Variants in SEMA5A observed in about 807,000 individuals in gnomAD.
The protein encoded by SEMA5A is semaphorin 5A.
A neutral mutation model predicts 135.5 loss-of-function variants in SEMA5A; 55 were observed. The observed-to-expected ratio is 0.41, with a 90% CI of 0.33 to 0.51. The LOEUF is 0.51. Ranked by LOEUF, SEMA5A falls within the 20% of genes least tolerant of loss-of-function variation. The pLI, the probability that SEMA5A is intolerant of heterozygous loss-of-function variation, is 0.37. For synonymous variants in SEMA5A, 580 were observed against 546.5 expected (o/e 1.06, Z -0.85); for missense variants, 1,290 against 1,419.9 (o/e 0.91, Z 1.47).
chr5:9,110,504 G>A (rs1022923678), intron 15 of SEMA5A, among the ~76,000 whole-genome samples: 2 of 152,226 alleles, frequency 1.3e-5, no homozygotes, highest in African/African-American at 2.4e-5. Flanking sequence ...GAGAAGAAGT[G>A]GTGGAGATGG....
rs1326909657 is a variant in SEMA5A at position 9,119,666 on chromosome 5, G to A, written c.1782-525C>T. Among the ~76,000 whole-genome samples the A allele has an allele frequency of 2.0e-5, 3 of 152,132 alleles. No homozygotes were observed. The East Asian group carries it at 5.8e-4, about 29-fold the overall frequency. On this transcript the variant is annotated intron_variant, in intron 14 of 22. Coordinates refer to ENST00000382496, the MANE Select transcript of SEMA5A (RefSeq NM_003966.3). Reference sequence around the variant, plus strand: ...CCTGATAGCATCAAATTGATAAAGAGTGTTGTACTGTTAGAATAACTATCA... The same window carrying A: ...CCTGATAGCATCAAATTGATAAAGAATGTTGTACTGTTAGAATAACTATCA...
intron 1 of SEMA5A, among the ~76,000 whole-genome samples, chr5:9,474,034 C>A (rs556303506): frequency 1.3e-5 from 2 of 151,996 alleles, no homozygotes; most frequent in African/African-American, 2.4e-5. Context: ...ACATCATGGA[C>A]GTCTACCCAC....
intron 6 of SEMA5A, among the ~76,000 whole-genome samples, chr5:9,227,642 C>G (rs558278647): frequency 2.0e-5 from 3 of 150,820 alleles, no homozygotes; most frequent in African/African-American, 7.3e-5. Flanking sequence ...GCTCTGCCTC[C>G]CAGGTTCATG....
intron 1 of SEMA5A, among the ~76,000 whole-genome samples, chr5:9,454,344 T>C (rs951716302): frequency 2.0e-5 from 3 of 152,216 alleles, no homozygotes; most frequent in African/African-American, 4.8e-5. Flanking sequence ...GAAGAGCTGA[T>C]TGTGTCTCAT....
At chr5:9,438,594 C>T (rs1193187545) in intron 1 of SEMA5A, among the ~76,000 whole-genome samples, 4 of 152,318 alleles carry the variant, frequency 2.6e-5, no homozygotes, top group East Asian at 3.9e-4. Flanking sequence ...GAAATGTGTT[C>T]ATCACCAGTG....
Position 9,488,694 on chromosome 5 carries a change from G to A in SEMA5A, c.-174-50842C>T, listed in dbSNP as rs147654030. ...GCCCTTGTGTGTTCCCAGATGACAC[G>A]TATTTATTTACAACATTTACTTGTT... On this transcript the variant is annotated intron_variant, in intron 1 of 22. Coordinates refer to ENST00000382496, the MANE Select transcript of SEMA5A (RefSeq NM_003966.3). Among the ~76,000 whole-genome samples, 11 of 152,176 alleles carry A rather than the reference G, an allele frequency of 7.2e-5. No homozygotes were observed. The East Asian group carries it at 1.5e-3, about 21-fold the overall frequency.
At position 9,379,860 on chromosome 5, in the gene SEMA5A, C is replaced by T. The variant is rs768147824; in HGVS notation, c.87G>A (p.Gln29=). 3 of 1,614,078 alleles carry T rather than the reference C, an allele frequency of 1.9e-6. No homozygotes were observed. The Admixed American group carries it at 5.0e-5, about 27-fold the overall frequency. The change falls in exon 3 of 23, where the codon CAG becomes CAA. Residue 29 remains glutamine (Q), a synonymous_variant. Coordinates refer to ENST00000382496, the MANE Select transcript of SEMA5A (RefSeq NM_003966.3). ...TGACTGGATGCTCGGTTCTCTGGCACTGAGTCGTACCCTGGGCCTCTGGGT... is the reference window on the plus strand; with the variant it reads ...TGACTGGATGCTCGGTTCTCTGGCATTGAGTCGTACCCTGGGCCTCTGGGT... The part of the protein sequence containing the change: ...LAHPEAQGTT[Q]CQRTEHPVIS...
intron 11 of SEMA5A, among the ~76,000 whole-genome samples, chr5:9,183,134 G>A (rs1457474747): frequency 3.9e-5 from 6 of 152,130 alleles, no homozygotes; most frequent in Non-Finnish European, 7.3e-5. Context: ...GCTGTGTGGT[G>A]AGGGAAAGGA....
At chr5:9,182,157 C>A (rs933128899) in intron 11 of SEMA5A, among the ~76,000 whole-genome samples, 1 of 96,258 alleles carries the variant, frequency 1.0e-5, no homozygotes, top group African/African-American at 4.2e-5. Context: ...CTGCCCCCCA[C>A]CCCAAAAAAA....
intron 16 of SEMA5A, among the ~76,000 whole-genome samples, chr5:9,088,399 T>C (rs1055411432): frequency 6.6e-6 from 1 of 150,826 alleles, no homozygotes; most frequent in African/African-American, 2.4e-5. Flanking sequence ...GTAAGTGTTA[T>C]GTTGGGGTGA....
In SEMA5A at chr5:9,037,581, GTATT is replaced by G. The variant is rs1175280722; in HGVS notation, c.*5312_*5315del. On this transcript the variant is annotated 3_prime_UTR_variant, in exon 23 of 23. Coordinates refer to ENST00000382496, the MANE Select transcript of SEMA5A (RefSeq NM_003966.3). ...TTTAATATAAGTCCATAGGAAAGGA[GTATT>G]TAAAGAGTCGTTTTAGAAATCATCA... The G allele has an allele frequency of 6.6e-6, 1 of 152,156 alleles. No homozygotes were observed. Among genetic ancestry groups the G allele is most frequent in the Non-Finnish European group, 1.5e-5 (1 of 68,026 alleles). The allele number at this position is 152,156 out of a possible 1,614,324, so 9.4% of individuals were successfully genotyped here.
Position 9,162,283 on chromosome 5 carries a change from AG to A in SEMA5A, c.1274-7589del, listed in dbSNP as rs1390103549. Among the ~76,000 whole-genome samples the A allele has an allele frequency of 2.6e-5, 4 of 152,030 alleles. 1 individual carries two copies. The highest frequency in any genetic ancestry group is 5.9e-5 in the Non-Finnish European group (4 of 68,014). On this transcript the variant is annotated intron_variant, in intron 11 of 22. Transcript: ENST00000382496. ...AGAGCCTGAATAATCCACATATTAA[AG>A]CAAGTGCAAATCACAGGGGAAATCA...
intron 11 of SEMA5A, among the ~76,000 whole-genome samples, chr5:9,185,365 T>A (rs1013609251): frequency 1.3e-5 from 2 of 152,222 alleles, no homozygotes; most frequent in African/African-American, 4.8e-5. Flanking sequence ...TAAACCTCTA[T>A]ATGAATGTTT....
rs982473963 is a variant in SEMA5A at position 9,441,359 on chromosome 5, T to A, written c.-174-3507A>T. Among the ~76,000 whole-genome samples, 9 of 151,910 alleles carry A rather than the reference T, an allele frequency of 5.9e-5. No individual in the cohort carries two copies. The South Asian group carries it at 1.3e-3, about 21-fold the overall frequency. On this transcript the variant is annotated intron_variant, in intron 1 of 22. Transcript: ENST00000382496. ...AAAGACACAGTGAAGTATGTTTTAG[T>A]GGGTGCATTGCAGGTGAAACAAACA... is the stretch of plus-strand genomic sequence containing the variant.
rs573629156 is a variant in SEMA5A, at chr5:9,312,179, A to T, written c.270+6193T>A. ...ATATTTTTCAAAAAGCTTTGTTCTT[A>T]TAAAATAATCTCCATGATTAAGGCA... is the stretch of plus-strand genomic sequence containing the variant. On this transcript the variant is annotated intron_variant, in intron 5 of 22. Coordinates refer to ENST00000382496, the MANE Select transcript of SEMA5A (RefSeq NM_003966.3). 2.0e-5 allele frequency among the ~76,000 whole-genome samples: 3 copies of T among 152,220 alleles called. No individual in the cohort carries two copies. The East Asian group carries it at 5.8e-4, about 29-fold the overall frequency.
chr5:9,093,920 C>G (rs1346126308), intron 16 of SEMA5A, among the ~76,000 whole-genome samples: 1 of 152,160 alleles, frequency 6.6e-6, no homozygotes, highest in African/African-American at 2.4e-5. Flanking sequence ...GGAAGCTCCT[C>G]CTCTTAACTT....
At chr5:9,305,061 C>T (rs1338022299) in intron 5 of SEMA5A, among the ~76,000 whole-genome samples, 1 of 152,110 alleles carries the variant, frequency 6.6e-6, no homozygotes, top group African/African-American at 2.4e-5. Flanking sequence ...CTCCCAAGGC[C>T]CGCCGCACAA....
intron 5 of SEMA5A, among the ~76,000 whole-genome samples, chr5:9,257,355 T>A (rs1052613697): frequency 2.0e-5 from 3 of 152,206 alleles, no homozygotes; most frequent in Admixed American, 2.0e-4. Context: ...GCAGGACACA[T>A]GGTACATGTG....
At position 9,456,173 on chromosome 5, in the gene SEMA5A, A is replaced by G. The variant is rs138219849; in HGVS notation, c.-174-18321T>C. On this transcript the variant is annotated intron_variant, in intron 1 of 22. Coordinates refer to ENST00000382496, the MANE Select transcript of SEMA5A (RefSeq NM_003966.3). ...ATTCCCTGAAGAATTTCCACTCACCAGCTTCATCTGTCAGTGTGGCTTGAG... is the reference window on the plus strand; with the variant it reads ...ATTCCCTGAAGAATTTCCACTCACCGGCTTCATCTGTCAGTGTGGCTTGAG... Among the ~76,000 whole-genome samples the G allele has an allele frequency of 2.4e-4, 36 of 152,368 alleles. 1 individual carries two copies. The South Asian group carries it at 6.4e-3, about 27-fold the overall frequency.
Sources: gnomAD v4.1 joint callset for allele counts (sites outside exome capture counted in the v4.1 genomes callset) on GRCh38, gnomAD v4.1.1 for gene constraint, MANE v1.5 for transcripts, NCBI Gene and HGNC (gene_info 2026-07-23, HGNC 2026-07-21) for gene names.